Variants in FXYD5 observed in about 807,000 individuals in gnomAD.
FXYD5 encodes the protein FXYD domain containing ion transport regulator 5.
A neutral mutation model predicts 25.7 loss-of-function variants in FXYD5; 21 were observed. The observed-to-expected ratio is 0.82, with a 90% CI of 0.58 to 1.18. The LOEUF (loss-of-function observed/expected upper bound fraction) is 1.18. Among genes scored for constraint, FXYD5 ranks in the 50% most tolerant of loss-of-function variants. The pLI is 0.00. For synonymous variants in FXYD5, 101 were observed against 90.7 expected (o/e 1.11, Z -0.64); for missense variants, 229 against 227.7 (o/e 1.01, Z -0.04).
At chr19:35,156,013 A>G (rs1237416508) in intron 2 of FXYD5, among the ~76,000 whole-genome samples, 2 of 152,234 alleles carry the variant, frequency 1.3e-5, no homozygotes, top group African/African-American at 2.4e-5. Context: ...AGTTGGCAAC[A>G]TCTCAGCCTT....
At chr19:35,156,585 G>A (rs1600499270) in intron 2 of FXYD5, among the ~76,000 whole-genome samples, 2 of 152,300 alleles carry the variant, frequency 1.3e-5, no homozygotes, top group East Asian at 1.9e-4. Context: ...ATGAGGGAAT[G>A]AGCTTTGCAG....
rs115929890 is a variant in FXYD5, at chr19:35,164,212, G to A, written c.349G>A (p.Val117Ile). Reference sequence around the variant, plus strand: ...TGAGAGACCATCCCCAAGCACAGACGTCCAGACAGACCCCCAGACCCTCAA... The same window carrying A: ...TGAGAGACCATCCCCAAGCACAGACATCCAGACAGACCCCCAGACCCTCAA... ...LSERPSPSTD[V>I]QTDPQTLKPS... The change falls in exon 6 of 9, where the codon GTC (valine) becomes ATC (isoleucine). Residue 117 changes from valine (V) to isoleucine (I), a missense_variant. Transcript: ENST00000392219. 2,406 of 1,613,746 alleles carry A rather than the reference G, an allele frequency of 1.5e-3. 26 individuals carry two copies. The African/African-American group carries it at 0.029, about 19-fold the overall frequency.
chr19:35,166,485 A>G (rs1464003521), intron 8 of FXYD5, 160 bp downstream of exon 8: 2 of 559,732 alleles, frequency 3.6e-6, no homozygotes, highest in East Asian at 3.0e-5. Flanking sequence ...GTTTAAAATA[A>G]TGACCATTTA....
chr19:35,165,468 A>G lies in FXYD5; in HGVS notation c.383-674A>G, dbSNP rs2065442397. Among the ~76,000 whole-genome samples, 14 of 152,298 alleles carry G rather than the reference A, an allele frequency of 9.2e-5. No individual in the cohort carries two copies. The South Asian group carries it at 2.9e-3, about 32-fold the overall frequency. Reference sequence around the variant, plus strand: ...CATGCTAATGTATTATAACTAATGTATAATGAGCTGTGAGGATGACCAGAG... The same window carrying G: ...CATGCTAATGTATTATAACTAATGTGTAATGAGCTGTGAGGATGACCAGAG... On this transcript the variant is annotated intron_variant, in intron 6 of 8. Transcript: ENST00000392219.
At chr19:35,166,352 A>G (rs2145428918) in intron 8 of FXYD5, 27 bp downstream of exon 8, 2 of 1,428,414 alleles carry the variant, frequency 1.4e-6, no homozygotes, top group Middle Eastern at 1.8e-4. Flanking sequence ...GGTGGGAAGG[A>G]CACCAAGACC....
At chr19:35,164,365 T>C in intron 6 of FXYD5, 120 bp downstream of exon 6, 1 of 999,230 alleles carries the variant, frequency 1.0e-6, no homozygotes, top group East Asian at 2.6e-5. Context: ...GGAAAGTAAA[T>C]GACTTCAAGC....
At chr19:35,164,134 A>G (rs1202678535) in intron 5 of FXYD5, 22 bp from the exon 6 acceptor site, 2 of 1,613,052 alleles carry the variant, frequency 1.2e-6, no homozygotes, top group African/African-American at 1.3e-5. Context: ...CCTGCCCTCC[A>G]CTGATCTGGC....
At chr19:35,160,852 A>T (rs530302690) in intron 5 of FXYD5, 51 bp downstream of exon 5, 1 of 1,101,160 alleles carries the variant, frequency 9.1e-7, no homozygotes, top group Non-Finnish European at 1.4e-6. Flanking sequence ...TTAATTCTCT[A>T]TCTAGGTCAA....
chr19:35,157,928 A>G (rs1363115400), intron 3 of FXYD5, among the ~76,000 whole-genome samples: 2 of 152,226 alleles, frequency 1.3e-5, no homozygotes, highest in East Asian at 1.9e-4. Flanking sequence ...CCTGGGTTCC[A>G]TGTCCAACCT....
chr19:35,156,606 G>A (rs533224584), intron 2 of FXYD5, among the ~76,000 whole-genome samples: 1 of 152,214 alleles, frequency 6.6e-6, no homozygotes, highest in East Asian at 1.9e-4. Flanking sequence ...GTGTCTGGGG[G>A]CTGAGTGTTG....
chr19:35,157,493 G>C lies in FXYD5; in HGVS notation c.134G>C (p.Arg45Pro). 5 of 1,529,918 alleles carry C rather than the reference G, an allele frequency of 3.3e-6. No individual in the cohort carries two copies. In the South Asian group the frequency reaches 5.6e-5, roughly 17 times the overall value. 94.8% of individuals were successfully genotyped at this position (1,529,918 alleles called of 1,614,324 possible). The stretch of plus-strand genomic sequence containing the variant: ...ATCATGGACATTCAGGTCCCGACAC[G>C]AGCCCCAGGTGAGGAAAGGGACACA... ...STIMDIQVPT[R>P]APDAVYTELQ... Residue 45 changes from arginine (R) to proline (P), a missense_variant, in exon 3 of 9, where the codon CGA becomes CCA. Coordinates refer to ENST00000392219, the MANE Select transcript of FXYD5 (RefSeq NM_014164.6).
At position 35,166,337 on chromosome 19, in the gene FXYD5, G is replaced by A; in HGVS notation, c.487+12G>A. 1 of 1,529,992 alleles carries A rather than the reference G, an allele frequency of 6.5e-7. No individual in the cohort carries two copies. The highest frequency in any genetic ancestry group is 1.2e-5 in the South Asian group (1 of 81,684). The allele number at this position is 1,529,992 out of a possible 1,614,324, so 94.8% of individuals were successfully genotyped here. Reference sequence around the variant, plus strand: ...CATCATCCTCACCAGTGAGAACTGGGGTTGGGTGGGAAGGACACCAAGACC... The same window carrying A: ...CATCATCCTCACCAGTGAGAACTGGAGTTGGGTGGGAAGGACACCAAGACC... On this transcript the variant is annotated intron_variant, in intron 8 of 8. Coordinates refer to ENST00000392219, the MANE Select transcript of FXYD5 (RefSeq NM_014164.6).
At chr19:35,163,881 T>C (rs1291243585) in intron 5 of FXYD5, among the ~76,000 whole-genome samples, 3 of 152,120 alleles carry the variant, frequency 2.0e-5, no homozygotes, top group African/African-American at 4.8e-5. Flanking sequence ...TGGATTATAG[T>C]GTGGGCCAGA....
chr19:35,161,221 A>AACACACACACACACACACACAC (rs147168736), intron 5 of FXYD5, among the ~76,000 whole-genome samples: 10 of 38,204 alleles, frequency 2.6e-4, no homozygotes, highest in African/African-American at 9.0e-4. Flanking sequence ...ATTCACCTTA[A>AACACACACACACACACACACAC]ACACACACAC....
intron 8 of FXYD5, among the ~76,000 whole-genome samples, chr19:35,169,277 AT>A (rs2065477617): frequency 3.3e-5 from 5 of 151,986 alleles, no homozygotes; most frequent in Non-Finnish European, 7.4e-5. Context: ...CAGGGCAGGG[AT>A]TTTTTTCTTT....
At chr19:35,166,364 G>C in intron 8 of FXYD5, 39 bp downstream of exon 8, 1 of 1,315,622 alleles carries the variant, frequency 7.6e-7, no homozygotes, top group Non-Finnish European at 1.1e-6. Flanking sequence ...ACCAAGACCA[G>C]GAGGGGGACT....
In FXYD5 at chr19:35,160,743, G is replaced by A; in HGVS notation, c.234G>A (p.Leu78=). ...AACCCCAGACCCAGACCCAGCAACT[G>A]GAAGGAACGGATGGGCCTCTAGTGA... is the stretch of plus-strand genomic sequence containing the variant. The part of the protein sequence containing the change: ...TPQPQTQTQQ[L]EGTDGPLVTD... The change falls in exon 5 of 9, where the codon CTG becomes CTA. Residue 78 remains leucine (L), a synonymous_variant. Coordinates refer to ENST00000392219, the MANE Select transcript of FXYD5 (RefSeq NM_014164.6). 1 of 1,613,714 alleles carries A rather than the reference G, an allele frequency of 6.2e-7. No individual in the cohort carries two copies. Among genetic ancestry groups the A allele is most frequent in the East Asian group, 2.2e-5 (1 of 44,872 alleles).
At chr19:35,160,318 C>T (rs547051859) in intron 4 of FXYD5, among the ~76,000 whole-genome samples, 1 of 152,172 alleles carries the variant, frequency 6.6e-6, no homozygotes, top group East Asian at 1.9e-4. Flanking sequence ...TACAGTGACA[C>T]TTGGTATACT....
In FXYD5 at chr19:35,165,342, C is replaced by T. The variant is rs545265698; in HGVS notation, c.383-800C>T. ...TTCTGGGAAAGGGGTGGGCAATTCC[C>T]AGAACTGAGGATTCCTCCCCTTTTT... On this transcript the variant is annotated intron_variant, in intron 6 of 8. Transcript: ENST00000392219. 3.3e-5 allele frequency among the ~76,000 whole-genome samples: 5 copies of T among 152,300 alleles called. No homozygotes were observed. The South Asian group carries it at 1.0e-3, about 32-fold the overall frequency.
Sources: gnomAD v4.1 joint callset for allele counts (sites outside exome capture counted in the v4.1 genomes callset) on GRCh38, gnomAD v4.1.1 for gene constraint, MANE v1.5 for transcripts, NCBI Gene and HGNC (gene_info 2026-07-23, HGNC 2026-07-21) for gene names.